FAM120C: variants seen among roughly 807,000 people sequenced by gnomAD.
FAM120C encodes constitutive coactivator of PPAR-gamma-like protein 2.
FAM120C carries 14 observed loss-of-function variants against 71.2 expected under a neutral mutation model. That is an observed-to-expected ratio of 0.20 (90% confidence interval 0.13 to 0.31). FAM120C has a LOEUF of 0.31. Ranked by LOEUF, FAM120C falls within the 10% of genes least tolerant of loss-of-function variation. The pLI is 1.00. For synonymous variants in FAM120C, 354 were observed against 353.2 expected, an observed-to-expected ratio of 1.00 and a Z score of -0.03; for missense variants, 500 against 879.0, an observed-to-expected ratio of 0.57 and a Z score of 5.45.
At chrX:54,117,397 A>C (rs1209062601) in intron 9 of FAM120C, among the ~76,000 whole-genome samples, 10 of 104,231 alleles carry the variant, frequency 9.6e-5, no homozygotes, top group East Asian at 5.9e-4. Context: ...AATAAAATAA[A>C]ATAAAATAAA....
At chrX:54,125,574 G>A (rs1280182909) in intron 9 of FAM120C, among the ~76,000 whole-genome samples, 1 of 113,022 alleles carries the variant, frequency 8.8e-6, no homozygotes, top group Non-Finnish European at 1.9e-5. Flanking sequence ...CCAAAGTGCT[G>A]GGATTACAAG....
intron 10 of FAM120C, among the ~76,000 whole-genome samples, chrX:54,095,143 G>C (rs782272440): frequency 9.0e-6 from 1 of 111,655 alleles, no homozygotes; most frequent in South Asian, 3.7e-4. Context: ...CACAGCAGGT[G>C]CTTTTAGTTA....
chrX:54,176,254 G>A (rs1557136685), intron 1 of FAM120C, among the ~76,000 whole-genome samples: 1 of 110,536 alleles, frequency 9.0e-6, no homozygotes, highest in African/African-American at 3.3e-5. Context: ...CCAACACGGT[G>A]AAACCCCGTC....
At chrX:54,133,495 CTG>C (rs1261083802) in intron 8 of FAM120C, among the ~76,000 whole-genome samples, 1 of 111,866 alleles carries the variant, frequency 8.9e-6, no homozygotes, top group Non-Finnish European at 1.9e-5. Flanking sequence ...GCCTCTTAGA[CTG>C]TGTCCATCCC....
intron 9 of FAM120C, among the ~76,000 whole-genome samples, chrX:54,125,324 G>T (rs2067021195): frequency 1.8e-5 from 2 of 110,748 alleles, no homozygotes; most frequent in Non-Finnish European, 3.8e-5. Context: ...TTTAAGACAG[G>T]GTCTCGCTCT....
At chrX:54,144,431 A>C (rs2067143825) in intron 4 of FAM120C, among the ~76,000 whole-genome samples, 1 of 112,382 alleles carries the variant, frequency 8.9e-6, no homozygotes, top group Non-Finnish European at 1.9e-5. Flanking sequence ...GTCTCAGCCC[A>C]AAATCTCCTT....
chrX:54,113,464 A>T (rs1245358581), intron 10 of FAM120C, among the ~76,000 whole-genome samples: 5 of 110,794 alleles, frequency 4.5e-5, no homozygotes, highest in East Asian at 2.8e-4. Flanking sequence ...CATCTCAAAA[A>T]AAACACCTCA....
At chrX:54,094,699 C>A (rs2066841351) in intron 10 of FAM120C, among the ~76,000 whole-genome samples, 1 of 108,419 alleles carries the variant, frequency 9.2e-6, no homozygotes, top group East Asian at 3.0e-4. Flanking sequence ...GAGTTCAAGA[C>A]CAGCCTGGCC....
intron 9 of FAM120C, among the ~76,000 whole-genome samples, chrX:54,123,933 TAACA>T (rs1400344080): frequency 2.2e-5 from 2 of 91,702 alleles, no homozygotes; most frequent in Admixed American, 1.3e-4. Flanking sequence ...GTTTTCCTTC[TAACA>T]GACAGGACCC....
At chrX:54,107,278 C>T (rs997616631) in intron 10 of FAM120C, among the ~76,000 whole-genome samples, 14 of 108,412 alleles carry the variant, frequency 1.3e-4, no homozygotes, top group Admixed American at 8.1e-4. Flanking sequence ...TGTATTTTTA[C>T]TAGCGACGGG....
intron 9 of FAM120C, 73 bp downstream of exon 9, chrX:54,132,619 C>T: frequency 1.1e-6 from 1 of 874,430 alleles, no homozygotes; most frequent in Non-Finnish European, 1.6e-6. Flanking sequence ...GCCAAAGGTA[C>T]CCAATGTGCC....
chrX:54,127,047 T>C (rs1484210982), intron 9 of FAM120C, among the ~76,000 whole-genome samples: 4 of 111,887 alleles, frequency 3.6e-5, no homozygotes, highest in African/African-American at 1.3e-4. Flanking sequence ...TGTCTTCTCA[T>C]TGTATCCTCA....
At chrX:54,085,586 TAAAA>T in intron 13 of FAM120C, 125 bp downstream of exon 13, 3 of 553,494 alleles carry the variant, frequency 5.4e-6, no homozygotes, top group Admixed American at 4.1e-5. Context: ...AAACTCCGTC[TAAAA>T]AAAAAAAAAA....
intron 10 of FAM120C, among the ~76,000 whole-genome samples, chrX:54,110,298 C>T (rs2066930038): frequency 9.1e-6 from 1 of 109,504 alleles, no homozygotes; most frequent in African/African-American, 3.3e-5. Flanking sequence ...AGAAAAATAT[C>T]TTTATGACTT....
At chrX:54,180,549 G>A (rs2067342891) in intron 1 of FAM120C, among the ~76,000 whole-genome samples, 1 of 112,404 alleles carries the variant, frequency 8.9e-6, no homozygotes, top group Admixed American at 9.4e-5. Flanking sequence ...ACCTGAACAC[G>A]TCTTTACCCA....
chrX:54,085,673 C>A (rs1326926954), intron 13 of FAM120C, 42 bp downstream of exon 13: 8 of 1,107,366 alleles, frequency 7.2e-6, no homozygotes, highest in Non-Finnish European at 9.9e-6. Flanking sequence ...ATTATTATGA[C>A]ATAAATTGAG....
intron 1 of FAM120C, among the ~76,000 whole-genome samples, chrX:54,172,754 G>A (rs2067294818): frequency 1.8e-5 from 2 of 111,566 alleles, no homozygotes; most frequent in African/African-American, 6.5e-5. Flanking sequence ...TTTCCCGCCA[G>A]TTTCTGATTC....
chrX:54,134,044 T>A lies in FAM120C; in HGVS notation c.1619A>T (p.His540Leu). 1.7e-6 allele frequency: 2 copies of A among 1,206,760 alleles called. No homozygotes were observed. Among genetic ancestry groups the A allele is most frequent in the East Asian group, 5.9e-5 (2 of 33,811 alleles). The change falls in exon 8 of 16, where the codon CAT becomes CTT. Residue 540 changes from histidine to leucine, a missense_variant and splice_region_variant. Physicochemically the swap from His to Leu is moderately conservative, Grantham distance 99. Coordinates refer to ENST00000375180, the MANE Select transcript of FAM120C (RefSeq NM_017848.6). Reference sequence around the variant, plus strand: ...CTGGTGATGAAATGCTTCTGTGATATGACTAAAAAATGTAGAAAGACAGTG... The same window carrying A: ...CTGGTGATGAAATGCTTCTGTGATAAGACTAAAAAATGTAGAAAGACAGTG... ...GDEPNGASSDHITEAFHHQPE... is the reference protein window; with the variant it reads ...GDEPNGASSDLITEAFHHQPE...
chrX:54,081,774 GAAAAAAAAA>G (rs782044757), intron 13 of FAM120C, among the ~76,000 whole-genome samples: 3 of 61,462 alleles, frequency 4.9e-5, no homozygotes, highest in African/African-American at 1.2e-4. Context: ...ATTCTGTCTT[GAAAAAAAAA>G]AAAAAAAAGA....
Sources: gnomAD v4.1 joint callset for allele counts (sites outside exome capture counted in the v4.1 genomes callset) on GRCh38, gnomAD v4.1.1 for gene constraint, MANE v1.5 for transcripts, NCBI Gene and HGNC (gene_info 2026-07-23, HGNC 2026-07-21) for gene names.